The following PDE8B variants were observed in gnomAD, a reference collection of about 807,000 sequenced individuals.
PDE8B encodes the protein phosphodiesterase 8B.
A neutral mutation model predicts 101.3 loss-of-function variants in PDE8B; 26 were observed. The observed-to-expected ratio is 0.26, with a 90% confidence interval of 0.19 to 0.36. PDE8B has a LOEUF of 0.36. PDE8B is among the 10% of genes least tolerant of loss of function. The pLI is 1.00. For synonymous variants in PDE8B, 424 were observed against 429.3 expected, an observed-to-expected ratio of 0.99 and a Z score of 0.15; for missense variants, 810 against 1,163.1, an observed-to-expected ratio of 0.70 and a Z score of 4.42.
chr5:77,188,161 G>A, the PDE8B span, among the ~76,000 whole-genome samples: 270 of 152,226 alleles, frequency 1.8e-3, 1 homozygote, highest in African/African-American at 6.2e-3. Context: ...TTAAATCTTT[G>A]TTTGAAAACT....
At chr5:77,280,385 A>G (rs1764730437) in intron 1 of PDE8B, among the ~76,000 whole-genome samples, 1 of 152,138 alleles carries the variant, frequency 6.6e-6, no homozygotes, top group Non-Finnish European at 1.5e-5. Flanking sequence ...TAAATTTCCA[A>G]TTTACTATGG....
At chr5:77,125,557 A>T in the PDE8B span, among the ~76,000 whole-genome samples, 1 of 152,250 alleles carries the variant, frequency 6.6e-6, no homozygotes, top group African/African-American at 2.4e-5. Flanking sequence ...AAAGGCATAA[A>T]CAATTCAAAT....
chr5:77,197,682 T>A, the PDE8B span, among the ~76,000 whole-genome samples: 4 of 83,332 alleles, frequency 4.8e-5, no homozygotes, highest in African/African-American at 2.9e-4. Flanking sequence ...TAGCGGTCTA[T>A]CAATTTAGTT....
intron 1 of PDE8B, among the ~76,000 whole-genome samples, chr5:77,216,216 G>C (rs1372059062): frequency 7.2e-5 from 11 of 152,206 alleles, no homozygotes; most frequent in Non-Finnish European, 1.3e-4. Flanking sequence ...GCTAGAAAAA[G>C]AGGGAGCTGT....
intron 1 of PDE8B, among the ~76,000 whole-genome samples, chr5:77,221,008 G>C (rs41361846): frequency 0.34 from 51,807 of 152,100 alleles, 9,642 homozygotes; most frequent in East Asian, 0.82. Context: ...CAGGTAAAAA[G>C]GGGTGTGTCG....
chr5:77,275,066 C>A (rs1422203144), intron 1 of PDE8B, among the ~76,000 whole-genome samples: 1 of 152,006 alleles, frequency 6.6e-6, no homozygotes, highest in Admixed American at 6.5e-5. Context: ...CATAGTATCA[C>A]ACACACACAC....
the PDE8B span, among the ~76,000 whole-genome samples, chr5:77,097,612 TCC>T: frequency 7.1e-6 from 1 of 141,444 alleles, no homozygotes; most frequent in Non-Finnish European, 1.5e-5. Context: ...GGTATCATCC[TCC>T]AAATATCACT....
chr5:77,290,465 A>G (rs1767046595), intron 1 of PDE8B: 5 of 1,459,750 alleles, frequency 3.4e-6, no homozygotes, highest in Non-Finnish European at 3.8e-6. Flanking sequence ...CTGTAAAGAA[A>G]GCAACAGAAG....
chr5:77,329,765 T>G (rs902245567), intron 4 of PDE8B, among the ~76,000 whole-genome samples: 2 of 152,242 alleles, frequency 1.3e-5, no homozygotes. Flanking sequence ...TATTTAGCTT[T>G]GCAGAGAATA....
At chr5:77,215,271 C>T (rs1749427993) in intron 1 of PDE8B, among the ~76,000 whole-genome samples, 1 of 152,160 alleles carries the variant, frequency 6.6e-6, no homozygotes, top group South Asian at 2.1e-4. Context: ...ATGATACAGG[C>T]ACATATTCTC....
At chr5:77,287,320 T>G (rs573122189) in intron 1 of PDE8B, among the ~76,000 whole-genome samples, 11 of 152,268 alleles carry the variant, frequency 7.2e-5, no homozygotes, top group Admixed American at 6.5e-5. Flanking sequence ...TTTGAAGATA[T>G]CATTTCATTG....
intron 2 of PDE8B, among the ~76,000 whole-genome samples, chr5:77,323,481 C>T (rs1375890748): frequency 6.6e-6 from 1 of 152,118 alleles, no homozygotes; most frequent in East Asian, 1.9e-4. Flanking sequence ...TTCACAGATG[C>T]ATATGGATGA....
At chr5:77,208,088 A>C (rs932724645), upstream of PDE8B, among the ~76,000 whole-genome samples, 1 of 152,154 alleles carries the variant, frequency 6.6e-6, no homozygotes, top group Non-Finnish European at 1.5e-5. Context: ...AGGCTTAATT[A>C]TTCTTATTTT....
At chr5:77,232,884 A>C (rs1289170231) in intron 1 of PDE8B, among the ~76,000 whole-genome samples, 2 of 152,238 alleles carry the variant, frequency 1.3e-5, no homozygotes, top group African/African-American at 4.8e-5. Context: ...AACAAATATA[A>C]ATAATACAAA....
At chr5:77,157,368 C>T in the PDE8B span, among the ~76,000 whole-genome samples, 1 of 152,106 alleles carries the variant, frequency 6.6e-6, no homozygotes, top group Non-Finnish European at 1.5e-5. Context: ...TGTGGGGACC[C>T]AGAAGGGACA....
chr5:77,298,270 A>C (rs1769062677), intron 1 of PDE8B, among the ~76,000 whole-genome samples: 1 of 152,140 alleles, frequency 6.6e-6, no homozygotes, highest in African/African-American at 2.4e-5. Context: ...CATCATTTCA[A>C]TCTTCATATA....
At chr5:77,108,447 G>T in the PDE8B span, among the ~76,000 whole-genome samples, 1 of 152,150 alleles carries the variant, frequency 6.6e-6, no homozygotes, top group African/African-American at 2.4e-5. Flanking sequence ...TCTTTGGAAG[G>T]CCGAAGCAGG....
At chr5:77,389,362 G>A (rs1284274539) in intron 10 of PDE8B, among the ~76,000 whole-genome samples, 1 of 152,102 alleles carries the variant, frequency 6.6e-6, no homozygotes, top group African/African-American at 2.4e-5. Flanking sequence ...GTGAGGCAAT[G>A]CCCCACCCTG....
At chr5:77,246,061 A>G (rs1156560191) in intron 1 of PDE8B, among the ~76,000 whole-genome samples, 1 of 151,968 alleles carries the variant, frequency 6.6e-6, no homozygotes, top group Non-Finnish European at 1.5e-5. Context: ...TATGTTGCCC[A>G]GGCTGGTCTT....
Sources: allele counts gnomAD v4.1 joint callset (sites outside exome capture counted in the v4.1 genomes callset), GRCh38; gene constraint gnomAD v4.1.1; transcripts MANE v1.5; gene names NCBI Gene and HGNC (gene_info 2026-07-23, HGNC 2026-07-21).